SYT2: variants seen among roughly 807,000 people sequenced by gnomAD.
SYT2 encodes the protein synaptotagmin-2.
A neutral mutation model predicts 39.9 loss-of-function variants in SYT2; 15 were observed. That is an observed-to-expected ratio of 0.38 (90% CI 0.25 to 0.58). SYT2 has a LOEUF of 0.58. Among genes scored for constraint, SYT2 ranks in the 20% least tolerant of loss-of-function variants. The probability of loss-of-function intolerance (pLI) is 0.70; values close to 1 mark genes in which losing one functional copy is unlikely to be tolerated. For missense variants in SYT2, 389 were observed against 530.3 expected (o/e 0.73, Z 2.62); for synonymous variants, 181 against 204.5 (o/e 0.89, Z 0.98).
At chr1:202,677,075 T>C (rs1010704498) in intron 1 of SYT2, among the ~76,000 whole-genome samples, 4 of 152,212 alleles carry the variant, frequency 2.6e-5, no homozygotes, top group African/African-American at 9.6e-5. Context: ...GCCACGATTG[T>C]AGATTTCCTG....
At chr1:202,706,914 C>T in intron 1 of SYT2, among the ~76,000 whole-genome samples, 1 of 152,170 alleles carries the variant, frequency 6.6e-6, no homozygotes, top group East Asian at 1.9e-4. Context: ...GCATTATTAC[C>T]TCTGTTCTTT....
chr1:202,659,746 T>C (rs562473170), intron 1 of SYT2, among the ~76,000 whole-genome samples: 101 of 152,214 alleles, frequency 6.6e-4, no homozygotes, highest in Non-Finnish European at 1.1e-3. Context: ...GCACAGATGG[T>C]TCTAGCTTAG....
At chr1:202,632,463 G>A in intron 1 of SYT2, 1 of 750,352 alleles carries the variant, frequency 1.3e-6, no homozygotes, top group Non-Finnish European at 1.6e-6. Context: ...GGGAGAAACT[G>A]ACTCTATAAC....
Position 202,595,093 on chromosome 1 carries a change from G to A in SYT2, c.*1664C>T, listed in dbSNP as rs4520471. Reference sequence around the variant, plus strand: ...ATGAGTTTTCTGTGGTGAAAAAATGGCAAGGGCCTGAGGGCTTCATGGATG... The same window carrying A: ...ATGAGTTTTCTGTGGTGAAAAAATGACAAGGGCCTGAGGGCTTCATGGATG... On this transcript the variant is annotated 3_prime_UTR_variant, in exon 9 of 9. Coordinates refer to ENST00000367268, the MANE Select transcript of SYT2 (RefSeq NM_177402.5). 0.42 allele frequency: 63,120 copies of A among 152,072 alleles called. 15,237 individuals carry two copies. The highest frequency in any genetic ancestry group is 0.54 in the Non-Finnish European group (36,689 of 67,986). 9.4% of individuals were successfully genotyped at this position (152,072 alleles called of 1,614,324 possible).
chr1:202,618,405 G>A (rs1691109391), intron 1 of SYT2, among the ~76,000 whole-genome samples: 2 of 41,370 alleles, frequency 4.8e-5, no homozygotes, highest in Non-Finnish European at 3.1e-4. Flanking sequence ...GTGTGAGTGT[G>A]TGTGTGTGTG....
chr1:202,619,495 C>T (rs940393162), intron 1 of SYT2, among the ~76,000 whole-genome samples: 1 of 152,182 alleles, frequency 6.6e-6, no homozygotes, highest in Non-Finnish European at 1.5e-5. Context: ...GGAAGGGTCT[C>T]TCAGGCTTGG....
intron 1 of SYT2, among the ~76,000 whole-genome samples, chr1:202,656,982 C>A (rs183632568): frequency 1.3e-5 from 2 of 152,340 alleles, no homozygotes; most frequent in East Asian, 3.9e-4. Context: ...TCCCTGGGTG[C>A]CTTTGTCTAA....
chr1:202,649,223 G>A lies in SYT2; in HGVS notation c.-17-43434C>T, dbSNP rs554256781. ...GGAGACACTGAAACCAGCATCAAGT[G>A]GCAGCCCAGACAGTATGAGCATGTG... On this transcript the variant is annotated intron_variant, in intron 1 of 8. Transcript: ENST00000367268. Among the ~76,000 whole-genome samples, 5 of 152,350 alleles carry A rather than the reference G, an allele frequency of 3.3e-5. 1 individual carries two copies. The highest frequency in any genetic ancestry group is 1.2e-4 in the African/African-American group (5 of 41,586).
At chr1:202,615,423 C>T (rs1487694250) in intron 1 of SYT2, among the ~76,000 whole-genome samples, 1 of 151,998 alleles carries the variant, frequency 6.6e-6, no homozygotes, top group African/African-American at 2.4e-5. Context: ...GTGGGGTCAC[C>T]CCCCCACATC....
At chr1:202,710,114 C>T (rs901897484) in intron 1 of SYT2, 144 bp downstream of exon 1, 5 of 152,276 alleles carry the variant, frequency 3.3e-5, no homozygotes, top group Non-Finnish European at 7.3e-5. Context: ...GGGGCAGACT[C>T]CCGGCCCCCT....
At chr1:202,700,737 C>T (rs574566180) in intron 1 of SYT2, among the ~76,000 whole-genome samples, 32 of 152,200 alleles carry the variant, frequency 2.1e-4, no homozygotes, top group African/African-American at 7.0e-4. Context: ...ATATCAACTT[C>T]GGTGTTCGGT....
intron 1 of SYT2, among the ~76,000 whole-genome samples, chr1:202,626,202 C>T (rs1691400873): frequency 6.6e-6 from 1 of 152,196 alleles, no homozygotes; most frequent in South Asian, 2.1e-4. Flanking sequence ...GGTCACCTTA[C>T]AGCCTCGGGG....
intron 1 of SYT2, among the ~76,000 whole-genome samples, 194 bp from the exon 2 acceptor site, chr1:202,605,983 C>A (rs945521146): frequency 7.9e-5 from 12 of 152,002 alleles, no homozygotes; most frequent in Non-Finnish European, 1.6e-4. Flanking sequence ...ATAGCAAGAC[C>A]CTATCTTTAG....
intron 1 of SYT2, among the ~76,000 whole-genome samples, chr1:202,621,551 G>C (rs1691202551): frequency 6.6e-6 from 1 of 152,166 alleles, no homozygotes; most frequent in Non-Finnish European, 1.5e-5. Context: ...TGAACTCCTG[G>C]CGATCTTGCT....
At chr1:202,662,133 G>C (rs1692393462) in intron 1 of SYT2, among the ~76,000 whole-genome samples, 1 of 152,214 alleles carries the variant, frequency 6.6e-6, no homozygotes, top group South Asian at 2.1e-4. Context: ...TTTTTGGGGG[G>C]AGAATAGGAA....
At chr1:202,696,272 T>C (rs1653970884) in intron 1 of SYT2, among the ~76,000 whole-genome samples, 1 of 152,050 alleles carries the variant, frequency 6.6e-6, no homozygotes, top group Admixed American at 6.5e-5. Flanking sequence ...TGGTGTAACA[T>C]ATGTACCAGG....
intron 1 of SYT2, among the ~76,000 whole-genome samples, chr1:202,631,552 G>A (rs1034808491): frequency 6.6e-6 from 1 of 152,120 alleles, no homozygotes; most frequent in Non-Finnish European, 1.5e-5. Context: ...GATCAGCGGT[G>A]CCTCTGCCCC....
chr1:202,627,741 T>A, intron 1 of SYT2: 1 of 516,298 alleles, frequency 1.9e-6, no homozygotes, highest in Non-Finnish European at 2.5e-6. Flanking sequence ...ATCCACTCTT[T>A]CATCTGATCT....
chr1:202,709,018 G>A (rs758839302), intron 1 of SYT2, among the ~76,000 whole-genome samples: 7 of 152,228 alleles, frequency 4.6e-5, no homozygotes, highest in South Asian at 2.1e-4. Context: ...CCCGCAGGGC[G>A]GCAGCAGTAG....
Sources: allele counts gnomAD v4.1 joint callset (sites outside exome capture counted in the v4.1 genomes callset), GRCh38; gene constraint gnomAD v4.1.1; transcripts MANE v1.5; gene names NCBI Gene and HGNC (gene_info 2026-07-23, HGNC 2026-07-21).